C16orf74: variants seen among roughly 807,000 people sequenced by gnomAD.
C16orf74 encodes the protein calcimembrin, also known as uncharacterized protein C16orf74.
In C16orf74, 10 loss-of-function variants were observed where a neutral mutation model predicts 6.5. The observed-to-expected ratio is 1.54, with a 90% CI of 0.95 to 2.61. The LOEUF (loss-of-function observed/expected upper bound fraction) is 2.61, where lower values mean the gene tolerates loss of function less well. C16orf74 is among the 30% of genes most tolerant of loss of function. The probability of loss-of-function intolerance (pLI) is 0.00; values close to 1 mark genes in which losing one functional copy is unlikely to be tolerated. For missense variants in C16orf74, 141 were observed against 105.9 expected (o/e 1.33, Z -1.45); for synonymous variants, 60 against 42.5 (o/e 1.41, Z -1.60).
At chr16:85,750,151 T>A (rs2152068096) in intron 1 of C16orf74, among the ~76,000 whole-genome samples, 1 of 152,262 alleles carries the variant, frequency 6.6e-6, no homozygotes, top group South Asian at 2.1e-4. Context: ...AGAACCGCAC[T>A]ACCTCACAAG....
chr16:85,739,782 G>C (rs9934627), intron 1 of C16orf74, among the ~76,000 whole-genome samples: 7,892 of 152,226 alleles, frequency 0.052, 391 homozygotes, highest in Admixed American at 0.17. Context: ...CTGGGAGACA[G>C]AGCAAGACCC....
intron 2 of C16orf74, among the ~76,000 whole-genome samples, chr16:85,730,956 G>A (rs2054181375): frequency 1.3e-5 from 2 of 151,888 alleles, no homozygotes; most frequent in Admixed American, 1.3e-4. Context: ...AATGATGTTT[G>A]GAATATACTG....
chr16:85,750,259 C>T (rs552042217), intron 1 of C16orf74, among the ~76,000 whole-genome samples: 1 of 152,356 alleles, frequency 6.6e-6, no homozygotes, highest in South Asian at 2.1e-4. Context: ...CTGGGCCCCG[C>T]AGCCGGAGGC....
intron 2 of C16orf74, among the ~76,000 whole-genome samples, chr16:85,729,738 A>C (rs2054168832): frequency 6.6e-6 from 1 of 152,180 alleles, no homozygotes. Flanking sequence ...GGTTGAATGC[A>C]GGGCAACATG....
chr16:85,739,152 G>A (rs1451726311), intron 1 of C16orf74, among the ~76,000 whole-genome samples: 1 of 71,292 alleles, frequency 1.4e-5, no homozygotes, highest in Non-Finnish European at 2.8e-5. Context: ...CTGCAGCCCT[G>A]ACGTCAGGAT....
At chr16:85,734,846 G>A (rs1190128005) in intron 2 of C16orf74, among the ~76,000 whole-genome samples, 1 of 152,170 alleles carries the variant, frequency 6.6e-6, no homozygotes, top group Non-Finnish European at 1.5e-5. Context: ...CCCCGGGTGT[G>A]TCCTTGGGAA....
chr16:85,737,083 G>A (rs1485099651), intron 1 of C16orf74, among the ~76,000 whole-genome samples: 1 of 152,148 alleles, frequency 6.6e-6, no homozygotes, highest in Non-Finnish European at 1.5e-5. Flanking sequence ...GCACATAACA[G>A]TCTCATTGAG....
At chr16:85,711,475 TA>T (rs2053969256) in intron 2 of C16orf74, among the ~76,000 whole-genome samples, 1 of 149,604 alleles carries the variant, frequency 6.7e-6, no homozygotes. Flanking sequence ...AAAAAAAAAT[TA>T]GCTGGGCATG....
chr16:85,733,625 T>C (rs944063034), intron 2 of C16orf74, among the ~76,000 whole-genome samples: 3 of 152,184 alleles, frequency 2.0e-5, no homozygotes, highest in African/African-American at 7.2e-5. Context: ...GGAACTCATG[T>C]CTAAGGGAAG....
At chr16:85,726,403 G>C (rs1248954418) in intron 2 of C16orf74, among the ~76,000 whole-genome samples, 1 of 150,192 alleles carries the variant, frequency 6.7e-6, no homozygotes, top group African/African-American at 2.5e-5. Context: ...CCAGCACCAT[G>C]GAACAGCGAC....
chr16:85,714,378 ATTATTTATTTATTTATTTATTTATTAT>A (rs1224749444), intron 2 of C16orf74, among the ~76,000 whole-genome samples: 1 of 142,164 alleles, frequency 7.0e-6, no homozygotes, highest in Non-Finnish European at 1.5e-5. Context: ...TGGAAGACCT[ATTATTTATTTATTTATTTATTTATTAT>A]TTATTTATTT....
chr16:85,749,392 C>G (rs1186571076), intron 1 of C16orf74, among the ~76,000 whole-genome samples: 1 of 152,144 alleles, frequency 6.6e-6, no homozygotes, highest in Non-Finnish European at 1.5e-5. Flanking sequence ...CTCAAGGAAA[C>G]CTCCCGTCTC....
At chr16:85,725,924 C>T (rs2054128485) in intron 2 of C16orf74, among the ~76,000 whole-genome samples, 1 of 152,108 alleles carries the variant, frequency 6.6e-6, no homozygotes, top group East Asian at 1.9e-4. Flanking sequence ...CAATCCACAC[C>T]TCAGCTTCTA....
chr16:85,746,313 G>T (rs2054372866), intron 1 of C16orf74, among the ~76,000 whole-genome samples: 1 of 152,122 alleles, frequency 6.6e-6, no homozygotes, highest in Non-Finnish European at 1.5e-5. Flanking sequence ...TCGCGCCACT[G>T]CACTCAAGCC....
At chr16:85,712,921 T>C (rs978082735) in intron 2 of C16orf74, among the ~76,000 whole-genome samples, 2 of 152,146 alleles carry the variant, frequency 1.3e-5, no homozygotes, top group Non-Finnish European at 2.9e-5. Context: ...CTCCGGGTCA[T>C]GCCCGGAGAG....
At chr16:85,709,495 GTTATTATTATTA>G (rs57478569) in intron 3 of C16orf74, among the ~76,000 whole-genome samples, 54 of 147,274 alleles carry the variant, frequency 3.7e-4, no homozygotes, top group Non-Finnish European at 5.1e-4. Context: ...CATCCCCAAT[GTTATTATTATTA>G]TTATTATTAT....
At chr16:85,749,972 G>C (rs979140992) in intron 1 of C16orf74, among the ~76,000 whole-genome samples, 1 of 152,208 alleles carries the variant, frequency 6.6e-6, no homozygotes, top group Non-Finnish European at 1.5e-5. Flanking sequence ...AGGAGGGCGT[G>C]GCCTGCACAG....
chr16:85,750,581 G>T (rs1016134456), intron 1 of C16orf74, among the ~76,000 whole-genome samples: 1 of 152,198 alleles, frequency 6.6e-6, no homozygotes, highest in Non-Finnish European at 1.5e-5. Flanking sequence ...CAGCTCTCAG[G>T]AATGGCGTTC....
intron 1 of C16orf74, among the ~76,000 whole-genome samples, chr16:85,738,333 T>TC (rs2054267193): frequency 6.6e-6 from 1 of 150,526 alleles, no homozygotes; most frequent in Non-Finnish European, 1.5e-5. Context: ...GGGATTTTTT[T>TC]TTTTTTTTTG....
Sources: gnomAD v4.1 joint callset for allele counts (sites outside exome capture counted in the v4.1 genomes callset) on GRCh38, gnomAD v4.1.1 for gene constraint, MANE v1.5 for transcripts, NCBI Gene and HGNC (gene_info 2026-07-23, HGNC 2026-07-21) for gene names.